The following TBC1D32 variants were observed in gnomAD, a reference collection of about 807,000 sequenced individuals.
TBC1D32 encodes the protein protein broad-minded.
TBC1D32 carries 151 observed loss-of-function variants against 170.3 expected under a neutral mutation model. The ratio of observed to expected loss-of-function variants is 0.89; its 90% confidence interval spans 0.78 to 1.01. TBC1D32 has a LOEUF of 1.01. TBC1D32 is among the 50% of genes least tolerant of loss of function. The pLI, the probability that TBC1D32 is intolerant of heterozygous loss-of-function variation, is 0.00. For missense variants in TBC1D32, 1,464 were observed against 1,457.1 expected (o/e 1.00, Z -0.08); for synonymous variants, 498 against 488.0 (o/e 1.02, Z -0.27).
intron 31 of TBC1D32, among the ~76,000 whole-genome samples, chr6:121,084,829 T>G (rs1385467843): frequency 6.6e-6 from 1 of 152,152 alleles, no homozygotes; most frequent in African/African-American, 2.4e-5. Flanking sequence ...CCCTGGTTTA[T>G]GAATTCAGGA....
At chr6:121,322,359 A>C (rs17083423) in intron 1 of TBC1D32, among the ~76,000 whole-genome samples, 2,878 of 152,234 alleles carry the variant, frequency 0.019, 104 homozygotes, top group African/African-American at 0.066. Flanking sequence ...ATTCCAATTT[A>C]TCCTACCAGA....
chr6:121,270,349 C>T (rs887185943), intron 15 of TBC1D32, among the ~76,000 whole-genome samples: 9 of 151,812 alleles, frequency 5.9e-5, no homozygotes, highest in African/African-American at 1.9e-4. Flanking sequence ...AAAAGATCAA[C>T]AAAATTGATA....
chr6:121,288,368 T>C (rs1004638921), intron 12 of TBC1D32, among the ~76,000 whole-genome samples: 1 of 152,054 alleles, frequency 6.6e-6, no homozygotes, highest in Admixed American at 6.6e-5. Flanking sequence ...GAGAATACTA[T>C]AAACACCTCT....
chr6:121,260,253 G>A (rs565882679), intron 15 of TBC1D32, among the ~76,000 whole-genome samples: 42 of 152,028 alleles, frequency 2.8e-4, no homozygotes, highest in African/African-American at 9.6e-4. Flanking sequence ...AGACCATGAT[G>A]AGAAATACAG....
At chr6:121,173,838 T>C (rs1472689009) in intron 22 of TBC1D32, among the ~76,000 whole-genome samples, 1 of 151,430 alleles carries the variant, frequency 6.6e-6, no homozygotes, top group Non-Finnish European at 1.5e-5. Context: ...CTCTTAAGCA[T>C]AAGCCTCCTA....
chr6:121,292,390 T>G (rs1458091509), intron 11 of TBC1D32, among the ~76,000 whole-genome samples, 197 bp from the exon 12 acceptor site: 2 of 152,150 alleles, frequency 1.3e-5, no homozygotes, highest in Non-Finnish European at 2.9e-5. Flanking sequence ...AGCAATCATC[T>G]TAAAAAGCAG....
At chr6:121,158,255 A>T (rs1056489678) in intron 24 of TBC1D32, among the ~76,000 whole-genome samples, 1 of 152,256 alleles carries the variant, frequency 6.6e-6, no homozygotes, top group Admixed American at 6.5e-5. Context: ...AAGCTTTGAG[A>T]TTCTTTCCTT....
At chr6:121,191,588 C>T (rs531635166) in intron 22 of TBC1D32, among the ~76,000 whole-genome samples, 11 of 147,914 alleles carry the variant, frequency 7.4e-5, no homozygotes, top group East Asian at 1.9e-4. Flanking sequence ...ACTCTATGTA[C>T]CAAATTCAGA....
intron 15 of TBC1D32, among the ~76,000 whole-genome samples, chr6:121,263,525 G>C (rs996358680): frequency 6.6e-6 from 1 of 152,044 alleles, no homozygotes; most frequent in Non-Finnish European, 1.5e-5. Flanking sequence ...ATATGAGACA[G>C]TGGGGTATTA....
At chr6:121,137,492 AAAC>A (rs1782249429) in intron 24 of TBC1D32, among the ~76,000 whole-genome samples, 1 of 151,436 alleles carries the variant, frequency 6.6e-6, no homozygotes, top group Non-Finnish European at 1.5e-5. Context: ...AAAAAAAAAA[AAAC>A]AACTACTTTA....
intron 24 of TBC1D32, among the ~76,000 whole-genome samples, chr6:121,143,878 C>T (rs547133334): frequency 1.9e-4 from 29 of 152,016 alleles, no homozygotes; most frequent in African/African-American, 6.8e-4. Flanking sequence ...CAAAATGAAG[C>T]TGGACATGCT....
intron 26 of TBC1D32, among the ~76,000 whole-genome samples, chr6:121,125,951 C>T (rs948959231): frequency 6.6e-6 from 1 of 152,114 alleles, no homozygotes; most frequent in African/African-American, 2.4e-5. Flanking sequence ...GATTCTGTGG[C>T]ATATCCAGGT....
intron 6 of TBC1D32, 61 bp from the exon 7 acceptor site, chr6:121,304,686 T>C (rs10499105): frequency 0.078 from 119,793 of 1,530,818 alleles, 7,184 homozygotes; most frequent in Admixed American, 0.3. Context: ...CTGAAAAAAA[T>C]TATTTCCTAT....
At chr6:121,154,157 C>T (rs549086185) in intron 24 of TBC1D32, among the ~76,000 whole-genome samples, 14 of 152,052 alleles carry the variant, frequency 9.2e-5, no homozygotes, top group Non-Finnish European at 1.6e-4. Context: ...CTCTGGGTTG[C>T]GAAGATGGTG....
At chr6:121,195,755 C>T (rs1264311607) in intron 22 of TBC1D32, among the ~76,000 whole-genome samples, 2 of 152,150 alleles carry the variant, frequency 1.3e-5, no homozygotes, top group Admixed American at 1.3e-4. Context: ...ACAGATGGTT[C>T]TGCACGATAT....
chr6:121,264,313 C>T lies in TBC1D32; in HGVS notation c.1734-8028G>A, dbSNP rs987851276. Among the ~76,000 whole-genome samples, 21 of 152,120 alleles carry T rather than the reference C, an allele frequency of 1.4e-4. 2 individuals are homozygous for T. The highest frequency in any genetic ancestry group is 2.0e-4 in the Admixed American group (3 of 15,262). ...CTACAAACATCTCTGTGTAAATAAA[C>T]TAGAAAATCTAGAAGAAATGGTTAA... On this transcript the variant is annotated intron_variant, in intron 15 of 31. Coordinates refer to ENST00000398212, the MANE Select transcript of TBC1D32 (RefSeq NM_152730.6).
At chr6:121,104,458 A>T (rs1778482601) in intron 30 of TBC1D32, among the ~76,000 whole-genome samples, 1 of 151,742 alleles carries the variant, frequency 6.6e-6, no homozygotes, top group Admixed American at 6.6e-5. Context: ...TGCTGGATAA[A>T]TTCTCAATAA....
chr6:121,321,576 T>C (rs1809712263), intron 2 of TBC1D32, 57 bp downstream of exon 2: 16 of 1,514,918 alleles, frequency 1.1e-5, no homozygotes, highest in Non-Finnish European at 1.3e-5. Context: ...ATCAGGGTGC[T>C]GTCAAGACGT....
rs116877846 is a variant in TBC1D32 at position 121,226,761 on chromosome 6, C to T, written c.2365-3409G>A. 3.1e-3 allele frequency among the ~76,000 whole-genome samples: 469 copies of T among 152,060 alleles called. 22 individuals carry two copies. In the East Asian group the frequency reaches 0.077, roughly 25 times the overall value. ...TCTATTCTTTAAAGTAGTATGGTCACGAAGGGGAGAAGGAAGACTGAATAG... is the reference window on the plus strand; with the variant it reads ...TCTATTCTTTAAAGTAGTATGGTCATGAAGGGGAGAAGGAAGACTGAATAG... On this transcript the variant is annotated intron_variant, in intron 20 of 31. Coordinates refer to ENST00000398212, the MANE Select transcript of TBC1D32 (RefSeq NM_152730.6).
Sources: gnomAD v4.1 joint callset for allele counts (sites outside exome capture counted in the v4.1 genomes callset) on GRCh38, gnomAD v4.1.1 for gene constraint, MANE v1.5 for transcripts, NCBI Gene and HGNC (gene_info 2026-07-23, HGNC 2026-07-21) for gene names.